Variants in WDFY3 observed in about 807,000 individuals in gnomAD.
WDFY3 encodes WD repeat and FYVE domain-containing protein 3.
A neutral mutation model predicts 409.6 loss-of-function variants in WDFY3; 66 were observed. The ratio of observed to expected loss-of-function variants is 0.16; its 90% confidence interval spans 0.13 to 0.20. The LOEUF is 0.20. Among genes scored for constraint, WDFY3 ranks in the 10% least tolerant of loss-of-function variants. The pLI is 1.00. For missense variants in WDFY3, 3,031 were observed against 4,298.1 expected (o/e 0.71, Z 8.24); for synonymous variants, 1,521 against 1,537.1 (o/e 0.99, Z 0.25).
intron 2 of WDFY3, among the ~76,000 whole-genome samples, chr4:84,930,431 T>C (rs553387077): frequency 6.6e-6 from 1 of 152,300 alleles, no homozygotes; most frequent in African/African-American, 2.4e-5. Context: ...TTTATAATAA[T>C]ACCATGAGCT....
chr4:84,723,829 G>A (rs1735229158), intron 46 of WDFY3, among the ~76,000 whole-genome samples: 1 of 152,160 alleles, frequency 6.6e-6, no homozygotes, highest in Non-Finnish European at 1.5e-5. Flanking sequence ...AGGGATAATG[G>A]AGAAGCTGTA....
chr4:84,674,846 T>C (rs533123987), intron 67 of WDFY3, among the ~76,000 whole-genome samples: 42 of 151,564 alleles, frequency 2.8e-4, no homozygotes, highest in African/African-American at 9.2e-4. Context: ...CCAGCCTGGG[T>C]GACAGAGTGA....
chr4:84,881,291 C>A (rs1158162224), intron 3 of WDFY3, among the ~76,000 whole-genome samples: 1 of 151,984 alleles, frequency 6.6e-6, no homozygotes. Flanking sequence ...AATAACGTAT[C>A]TCCCTGTGAA....
chr4:84,782,063 A>C (rs1746622083), intron 25 of WDFY3, among the ~76,000 whole-genome samples: 1 of 152,220 alleles, frequency 6.6e-6, no homozygotes, highest in Non-Finnish European at 1.5e-5. Flanking sequence ...TTTATGTCTC[A>C]AGATCCTATC....
intron 64 of WDFY3, among the ~76,000 whole-genome samples, chr4:84,681,254 C>T (rs1197725610): frequency 6.6e-6 from 1 of 152,218 alleles, no homozygotes; most frequent in Non-Finnish European, 1.5e-5. Context: ...TTGACCCCTT[C>T]TATCTCACTC....
chr4:84,686,293 G>A (rs1030570901), intron 62 of WDFY3, among the ~76,000 whole-genome samples: 4 of 151,918 alleles, frequency 2.6e-5, no homozygotes, highest in African/African-American at 7.3e-5. Context: ...GCAAAAGAGC[G>A]AGACTCCATC....
At chr4:84,732,057 C>CTTTTTA (rs1409445138) in intron 44 of WDFY3, among the ~76,000 whole-genome samples, 6 of 152,084 alleles carry the variant, frequency 3.9e-5, no homozygotes, top group Non-Finnish European at 8.8e-5. Context: ...TAGTAACAGG[C>CTTTTTA]TGCAAAAATA....
At chr4:84,811,016 C>A (rs6847067) in intron 13 of WDFY3, among the ~76,000 whole-genome samples, 60,080 of 151,918 alleles carry the variant, frequency 0.4, 12,112 homozygotes, top group East Asian at 0.49. Context: ...TTTTAAAACA[C>A]AAACAGAGTC....
intron 8 of WDFY3, among the ~76,000 whole-genome samples, chr4:84,829,686 A>G (rs1359530723): frequency 6.6e-6 from 1 of 151,970 alleles, no homozygotes; most frequent in Non-Finnish European, 1.5e-5. Context: ...ACGCGCCTGT[A>G]GTCCCAGCTA....
chr4:84,964,786 T>C (rs1033784726), intron 1 of WDFY3, among the ~76,000 whole-genome samples: 1 of 152,172 alleles, frequency 6.6e-6, no homozygotes, highest in Admixed American at 6.5e-5. Flanking sequence ...CCTCCCAAAG[T>C]GCTGGAATGA....
intron 3 of WDFY3, among the ~76,000 whole-genome samples, chr4:84,875,488 G>T (rs1762663425): frequency 6.6e-6 from 1 of 152,002 alleles, no homozygotes; most frequent in Non-Finnish European, 1.5e-5. Context: ...GTACACTGAG[G>T]TTACACTAAA....
At chr4:84,864,776 A>T (rs1761139111) in intron 3 of WDFY3, among the ~76,000 whole-genome samples, 1 of 152,210 alleles carries the variant, frequency 6.6e-6, no homozygotes, top group South Asian at 2.1e-4. Context: ...TATCAATTTT[A>T]AATTATAAAA....
chr4:84,754,399 T>G (rs1741071312), intron 34 of WDFY3, among the ~76,000 whole-genome samples: 2 of 152,224 alleles, frequency 1.3e-5, no homozygotes, highest in South Asian at 4.1e-4. Flanking sequence ...AAAACTTTTC[T>G]TATGTCTTTA....
At chr4:84,868,171 CAAAAAAAAAAAAAAAAAA>C (rs70943375) in intron 3 of WDFY3, among the ~76,000 whole-genome samples, 18 of 38,458 alleles carry the variant, frequency 4.7e-4, no homozygotes, top group Admixed American at 2.3e-3. Context: ...GACTCTGTCT[CAAAAAAAAAAAAAAAAAA>C]AAAAAAAAAA....
intron 1 of WDFY3, among the ~76,000 whole-genome samples, chr4:84,947,148 A>G (rs1476394618): frequency 6.6e-6 from 1 of 152,064 alleles, no homozygotes; most frequent in East Asian, 2.0e-4. Context: ...TTGAAGATGC[A>G]AGGCAGAGAG....
intron 24 of WDFY3, among the ~76,000 whole-genome samples, chr4:84,784,889 TATACACAC>T (rs1407994638): frequency 1.8e-3 from 95 of 52,062 alleles, no homozygotes; most frequent in African/African-American, 4.6e-3. Context: ...TATATATATA[TATACACAC>T]ACACACACAC....
chr4:84,672,849 C>A lies in WDFY3; in HGVS notation c.*19G>T, dbSNP rs1156272253. ...GAAGGGGTCTACAGACCATGGTCTC[C>A]ACTCAGCTTGTTGAATCTTCAACAA... On this transcript the variant is annotated 3_prime_UTR_variant, in exon 68 of 68. Transcript: ENST00000295888. 6.2e-7 allele frequency: 1 copy of A among 1,613,772 alleles called. No individual in the cohort carries two copies. Among genetic ancestry groups the A allele is most frequent in the Non-Finnish European group, 8.5e-7 (1 of 1,179,882 alleles).
chr4:84,889,694 C>A (rs1764681777), intron 3 of WDFY3, among the ~76,000 whole-genome samples: 2 of 152,110 alleles, frequency 1.3e-5, no homozygotes, highest in African/African-American at 4.8e-5. Flanking sequence ...CTACCCTAAG[C>A]TACATTTTCC....
At chr4:84,834,736 G>C (rs1756325974) in intron 7 of WDFY3, among the ~76,000 whole-genome samples, 1 of 152,164 alleles carries the variant, frequency 6.6e-6, no homozygotes, top group African/African-American at 2.4e-5. Context: ...AAGTGTGGCA[G>C]AGCAATAACT....
Sources: gnomAD v4.1 joint callset for allele counts (sites outside exome capture counted in the v4.1 genomes callset) on GRCh38, gnomAD v4.1.1 for gene constraint, MANE v1.5 for transcripts, NCBI Gene and HGNC (gene_info 2026-07-23, HGNC 2026-07-21) for gene names.